Variants in SHISA6 observed in about 807,000 individuals in gnomAD.
SHISA6 encodes the protein shisa family member 6.
In SHISA6, 22 loss-of-function variants were observed where a neutral mutation model predicts 47.9. That is an observed-to-expected ratio of 0.46 (90% CI 0.33 to 0.66). The LOEUF is 0.66. SHISA6 is among the 30% of genes least tolerant of loss of function. SHISA6 has a pLI of 0.02. For synonymous variants in SHISA6, 388 were observed against 337.8 expected (o/e 1.15, Z -1.63); for missense variants, 680 against 764.6 (o/e 0.89, Z 1.30).
In SHISA6 at chr17:11,423,332, TAGATAGATAGATAG is replaced by T. The variant is rs1567602074; in HGVS notation, c.895+43825_895+43838del. On this transcript the variant is annotated intron_variant, in intron 3 of 5. Transcript: ENST00000441885. ...TATATGCCTGTAACATATATATAGA[TAGATAGATAGATAG>T]ATAGATAGATAGATAGATAGATATA... Among the ~76,000 whole-genome samples the T allele has an allele frequency of 8.2e-3, 214 of 25,976 alleles. 1 individual carries two copies. Among genetic ancestry groups the T allele is most frequent in the Middle Eastern group, 0.017 (1 of 60 alleles). 17.0% of individuals were successfully genotyped at this position (25,976 alleles called of 152,430 possible). A position where few individuals can be genotyped will look rare whatever the true frequency, so the allele number is the denominator to read the frequency against.
intron 2 of SHISA6, among the ~76,000 whole-genome samples, chr17:11,297,404 G>A (rs1204798210): frequency 2.0e-5 from 3 of 152,068 alleles, no homozygotes; most frequent in African/African-American, 7.2e-5. Flanking sequence ...TCTACTACAC[G>A]AGGTTGTTCA....
chr17:11,553,842 C>T (rs891358885), intron 4 of SHISA6, among the ~76,000 whole-genome samples: 6 of 152,176 alleles, frequency 3.9e-5, no homozygotes, highest in Admixed American at 3.3e-4. Flanking sequence ...AAGAGCAATA[C>T]AGGCTTAAAG....
At chr17:11,543,696 C>A (rs553556393) in intron 3 of SHISA6, among the ~76,000 whole-genome samples, 1 of 151,898 alleles carries the variant, frequency 6.6e-6, no homozygotes, top group East Asian at 1.9e-4. Context: ...TAAGTCTACT[C>A]AATTTCAAGA....
At chr17:11,268,381 G>T (rs377103216) in intron 2 of SHISA6, among the ~76,000 whole-genome samples, 1 of 151,976 alleles carries the variant, frequency 6.6e-6, no homozygotes, top group Non-Finnish European at 1.5e-5. Flanking sequence ...ATCCCCCCAC[G>T]CCTCTCTGAC....
chr17:11,378,252 G>A (rs1912879284), intron 2 of SHISA6, among the ~76,000 whole-genome samples: 1 of 152,158 alleles, frequency 6.6e-6, no homozygotes, highest in Non-Finnish European at 1.5e-5. Context: ...AAGCTGAAAA[G>A]ACAGAAGAAA....
intron 2 of SHISA6, among the ~76,000 whole-genome samples, chr17:11,309,745 T>C (rs775892214): frequency 6.6e-6 from 1 of 152,248 alleles, no homozygotes; most frequent in East Asian, 1.9e-4. Context: ...GTGATAACTT[T>C]GGCAGCTCAC....
intron 2 of SHISA6, among the ~76,000 whole-genome samples, chr17:11,311,243 C>T (rs1910326005): frequency 6.9e-6 from 1 of 145,678 alleles, no homozygotes; most frequent in Non-Finnish European, 1.5e-5. Flanking sequence ...TATCGCACCA[C>T]TGCACTCTAG....
In SHISA6 at chr17:11,329,093, A is replaced by G. The variant is rs1394321219; in HGVS notation, c.800-50321A>G. On this transcript the variant is annotated intron_variant, in intron 2 of 5. Transcript: ENST00000441885. Reference sequence around the variant, plus strand: ...TAGCCTGTAAGTTATTACAGTCAGCAGGTGTTAAGATTGCAATTGCCTGTA... The same window carrying G: ...TAGCCTGTAAGTTATTACAGTCAGCGGGTGTTAAGATTGCAATTGCCTGTA... 2.6e-5 allele frequency among the ~76,000 whole-genome samples: 4 copies of G among 152,364 alleles called. No homozygotes were observed. In the South Asian group the frequency reaches 6.2e-4, roughly 24 times the overall value.
rs2072031285 is a variant in SHISA6 at position 11,560,392 on chromosome 17, T to A, written c.*2088T>A. On this transcript the variant is annotated 3_prime_UTR_variant, in exon 6 of 6. Transcript: ENST00000441885. ...ACACATAAACCTTCTTAAGGGCTGG[T>A]CCCCAGGGGTTTATAAGAGTTTGTT... 3 of 152,300 alleles carry A rather than the reference T, an allele frequency of 2.0e-5. No individual in the cohort carries two copies. The South Asian group carries it at 6.2e-4, about 32-fold the overall frequency. The allele number at this position is 152,300 out of a possible 1,614,324, so 9.4% of individuals were successfully genotyped here.
rs552235605 is a variant in SHISA6, at chr17:11,348,662, T to G, written c.800-30752T>G. Among the ~76,000 whole-genome samples, 2 of 152,260 alleles carry G rather than the reference T, an allele frequency of 1.3e-5. 1 individual carries two copies. Among genetic ancestry groups the G allele is most frequent in the African/African-American group, 4.8e-5 (2 of 41,552 alleles). Reference sequence around the variant, plus strand: ...GCAGTGTCTACCCTGAGTTTTTTCTTTCTTTCTTCTTCCCTTTTTTCCTCT... The same window carrying G: ...GCAGTGTCTACCCTGAGTTTTTTCTGTCTTTCTTCTTCCCTTTTTTCCTCT... On this transcript the variant is annotated intron_variant, in intron 2 of 5. Coordinates refer to ENST00000441885, the MANE Select transcript of SHISA6 (RefSeq NM_207386.4).
chr17:11,452,860 C>CAACTACTT (rs1915440626), intron 3 of SHISA6, among the ~76,000 whole-genome samples: 1 of 151,312 alleles, frequency 6.6e-6, no homozygotes, highest in Admixed American at 6.6e-5. Flanking sequence ...TGTTCTCCTA[C>CAACTACTT]GACTACTTCT....
At chr17:11,281,900 A>C (rs1909131997) in intron 2 of SHISA6, among the ~76,000 whole-genome samples, 1 of 152,256 alleles carries the variant, frequency 6.6e-6, no homozygotes, top group African/African-American at 2.4e-5. Context: ...CTCAAAATAT[A>C]ACTCACACAA....
chr17:11,334,058 A>AAAGTGTG (rs1331286591), intron 2 of SHISA6, among the ~76,000 whole-genome samples: 2 of 152,182 alleles, frequency 1.3e-5, no homozygotes, highest in Non-Finnish European at 2.9e-5. Flanking sequence ...AACAGTCAGT[A>AAAGTGTG]AAGTGTGTTC....
intron 3 of SHISA6, among the ~76,000 whole-genome samples, chr17:11,532,489 GTGTGTGTGCGCGCACGCGCGTA>G (rs1354880414): frequency 6.6e-6 from 1 of 152,168 alleles, no homozygotes; most frequent in Non-Finnish European, 1.5e-5. Flanking sequence ...GCGCGCGTGT[GTGTGTGTGCGCGCACGCGCGTA>G]TGTGTGTAAA....
At chr17:11,530,409 C>T (rs1046399879) in intron 3 of SHISA6, among the ~76,000 whole-genome samples, 3 of 152,118 alleles carry the variant, frequency 2.0e-5, no homozygotes, top group South Asian at 2.1e-4. Flanking sequence ...TCAGTTTGTT[C>T]GGCATTGTTG....
intron 2 of SHISA6, among the ~76,000 whole-genome samples, chr17:11,323,813 A>G (rs1346036399): frequency 6.6e-6 from 1 of 152,060 alleles, no homozygotes; most frequent in East Asian, 1.9e-4. Context: ...GGGCCTCAGC[A>G]TGGGTATAGT....
intron 3 of SHISA6, among the ~76,000 whole-genome samples, chr17:11,464,939 T>TAAAAAAA: frequency 6.9e-6 from 1 of 145,178 alleles, no homozygotes; most frequent in Non-Finnish European, 1.5e-5. Flanking sequence ...CAAAACTGAT[T>TAAAAAAA]AAAAAAAAAA....
intron 3 of SHISA6, among the ~76,000 whole-genome samples, chr17:11,551,468 C>T (rs770032487): frequency 1.3e-5 from 2 of 152,218 alleles, no homozygotes; most frequent in South Asian, 2.1e-4. Context: ...AAAGTGGAAG[C>T]GCCTTAAGTC....
intron 2 of SHISA6, among the ~76,000 whole-genome samples, chr17:11,317,117 A>G (rs538729858): frequency 6.6e-6 from 1 of 152,178 alleles, no homozygotes; most frequent in Admixed American, 6.5e-5. Context: ...TTATGTTTAT[A>G]TGGCTACCTG....
Sources: allele counts gnomAD v4.1 joint callset (sites outside exome capture counted in the v4.1 genomes callset), GRCh38; gene constraint gnomAD v4.1.1; transcripts MANE v1.5; gene names NCBI Gene and HGNC (gene_info 2026-07-23, HGNC 2026-07-21).